ZNF880: variants seen among roughly 807,000 people sequenced by gnomAD.
ZNF880 encodes zinc finger protein LOC400713.
Under a neutral mutation model 11.8 loss-of-function variants are expected in ZNF880, and 12 were observed. The observed-to-expected ratio is 1.02, with a 90% CI of 0.65 to 1.65. The LOEUF is 1.65. ZNF880 is among the 40% of genes most tolerant of loss of function. ZNF880 has a pLI of 0.00. For missense variants in ZNF880, 601 were observed against 673.9 expected, an observed-to-expected ratio of 0.89 and a Z score of 1.20; for synonymous variants, 210 against 232.4, an observed-to-expected ratio of 0.90 and a Z score of 0.88.
upstream of ZNF880, among the ~76,000 whole-genome samples, chr19:52,369,150 CAG>C (rs1986262577): frequency 6.6e-6 from 1 of 151,440 alleles, no homozygotes; most frequent in South Asian, 2.1e-4. Context: ...ATCACGAGGT[CAG>C]GAGTTCAAGA....
chr19:52,380,331 T>C (rs1986673388), intron 3 of ZNF880, among the ~76,000 whole-genome samples: 1 of 151,990 alleles, frequency 6.6e-6, no homozygotes, highest in Non-Finnish European at 1.5e-5. Context: ...ATATTCCATA[T>C]TGGATGTGAG....
the ZNF880 span, chr19:52,394,968 A>G: frequency 6.6e-6 from 1 of 152,342 alleles, no homozygotes; most frequent in African/African-American, 2.4e-5. Context: ...TATCACTTTG[A>G]CCATATAATT....
At chr19:52,388,488 G>C (rs1293124470), downstream of ZNF880, among the ~76,000 whole-genome samples, 1 of 150,448 alleles carries the variant, frequency 6.6e-6, no homozygotes, top group Non-Finnish European at 1.5e-5. Flanking sequence ...ATGTTGGCCG[G>C]GATGGTCTTG....
Position 52,369,929 on chromosome 19 carries a change from C to T in ZNF880, c.-37C>T. On this transcript the variant is annotated 5_prime_UTR_variant, in exon 1 of 4. Coordinates refer to ENST00000422689, the MANE Select transcript of ZNF880 (RefSeq NM_001145434.2). ...GCCTCTCAGCTGCGCGCGCAGTTTC[C>T]TGGAGACCCGGAAGCAGATTACGTG... 6.4e-7 allele frequency: 1 copy of T among 1,551,660 alleles called. No individual in the cohort carries two copies.
At chr19:52,388,311 A>G (rs989691472), downstream of ZNF880, among the ~76,000 whole-genome samples, 3 of 19,164 alleles carry the variant, frequency 1.6e-4, no homozygotes, top group African/African-American at 2.4e-3. Flanking sequence ...TTTTTTAGGC[A>G]GAGTCTCTGT....
At chr19:52,367,269 A>C (rs911020072), upstream of ZNF880, 2 of 152,954 alleles carry the variant, frequency 1.3e-5, no homozygotes, top group African/African-American at 4.8e-5. Flanking sequence ...GATTACAGGC[A>C]TGTGCCACTA....
At chr19:52,383,181 C>T (rs908553707) in intron 3 of ZNF880, among the ~76,000 whole-genome samples, 5 of 151,970 alleles carry the variant, frequency 3.3e-5, no homozygotes, top group African/African-American at 9.7e-5. Context: ...TAATGTTTGC[C>T]TGATTTTATT....
chr19:52,378,044 A>G (rs916702364), intron 3 of ZNF880, among the ~76,000 whole-genome samples: 5 of 152,066 alleles, frequency 3.3e-5, no homozygotes, highest in Admixed American at 3.3e-4. Flanking sequence ...CCTGGAGGAT[A>G]GTGGATAGGG....
At chr19:52,396,000 G>A in the ZNF880 span, among the ~76,000 whole-genome samples, 1 of 152,192 alleles carries the variant, frequency 6.6e-6, no homozygotes, top group African/African-American at 2.4e-5. Flanking sequence ...CTGTCTCCCA[G>A]GCTGGAGTGC....
the ZNF880 span, chr19:52,396,742 A>G: frequency 6.6e-6 from 1 of 152,342 alleles, no homozygotes. Context: ...CAACAAAACC[A>G]GACTACATCT....
downstream of ZNF880, among the ~76,000 whole-genome samples, chr19:52,387,584 G>A (rs1164074279): frequency 7.1e-6 from 1 of 141,428 alleles, no homozygotes; most frequent in Non-Finnish European, 1.5e-5. Context: ...TAATAGCTGG[G>A]ACTACAGGCG....
chr19:52,368,756 T>G (rs1415901783), upstream of ZNF880, among the ~76,000 whole-genome samples: 1 of 152,170 alleles, frequency 6.6e-6, no homozygotes, highest in African/African-American at 2.4e-5. Flanking sequence ...TTAATACATT[T>G]CTTCCCTGTT....
chr19:52,368,034 A>C (rs1180430118), upstream of ZNF880, among the ~76,000 whole-genome samples: 2 of 149,768 alleles, frequency 1.3e-5, no homozygotes, highest in Non-Finnish European at 3.0e-5. Context: ...CCTTGTCTCT[A>C]CTAAAAATAC....
the ZNF880 span, among the ~76,000 whole-genome samples, chr19:52,393,274 A>T: frequency 1.3e-5 from 2 of 151,048 alleles, 1 homozygote; most frequent in African/African-American, 4.9e-5. Context: ...GGTTTCACCA[A>T]GTTGGCCAGG....
chr19:52,375,173 T>C (rs1054257888), intron 3 of ZNF880, among the ~76,000 whole-genome samples: 1 of 151,372 alleles, frequency 6.6e-6, no homozygotes, highest in Non-Finnish European at 1.5e-5. Context: ...TTTTTTTTAA[T>C]TTTTAATTTA....
chr19:52,373,224 C>A lies in ZNF880; in HGVS notation c.126C>A (p.Asn42Lys). 1.9e-6 allele frequency: 3 copies of A among 1,612,478 alleles called. No individual in the cohort carries two copies. Among genetic ancestry groups the A allele is most frequent in the Non-Finnish European group, 2.5e-6 (3 of 1,179,150 alleles). The change falls in exon 2 of 4, where the codon AAC (asparagine) becomes AAA (lysine). Residue 42 changes from asparagine to lysine, a missense_variant. Around this residue, in one of 3 missense-constraint regions of ZNF880, gnomAD observed 420 missense variants for 442.6 expected, o/e 0.95. Coordinates refer to ENST00000422689, the MANE Select transcript of ZNF880 (RefSeq NM_001145434.2). ...YREVMVENYR[N>K]LVFLGICLPD... ...AAGTGATGGTGGAGAACTACAGGAACCTGGTCTTTCTGGGTGAGGATAATG... is the reference window on the plus strand; with the variant it reads ...AAGTGATGGTGGAGAACTACAGGAAACTGGTCTTTCTGGGTGAGGATAATG...
chr19:52,370,230 A>G (rs1986323303), intron 1 of ZNF880: 2 of 556,774 alleles, frequency 3.6e-6, no homozygotes, highest in South Asian at 2.1e-5. Context: ...GCCTGCTTCA[A>G]ATCCTTCAGT....
chr19:52,388,282 CTTTTTT>C (rs68179783), downstream of ZNF880, among the ~76,000 whole-genome samples: 482 of 63,408 alleles, frequency 7.6e-3, 23 homozygotes, highest in East Asian at 0.089. Flanking sequence ...GCAATTTGAA[CTTTTTT>C]TTTTTTTTTT....
intron 1 of ZNF880, chr19:52,370,194 T>C (rs1177452955): frequency 4.9e-6 from 3 of 615,798 alleles, no homozygotes; most frequent in African/African-American, 1.8e-5. Flanking sequence ...CACAGGGCCA[T>C]GTAGACAGCT....
Sources: allele counts gnomAD v4.1 joint callset (sites outside exome capture counted in the v4.1 genomes callset), GRCh38; gene constraint gnomAD v4.1.1; regional missense constraint gnomAD v4.1.1; transcripts MANE v1.5; gene names NCBI Gene and HGNC (gene_info 2026-07-23, HGNC 2026-07-21).